Variants in RBM19 observed in about 807,000 individuals in gnomAD.
RBM19 encodes RNA binding motif protein 19.
A neutral mutation model predicts 116.8 loss-of-function variants in RBM19; 94 were observed. That is an observed-to-expected ratio of 0.80 (90% CI 0.68 to 0.95). The LOEUF (loss-of-function observed/expected upper bound fraction) is 0.95. Ranked by LOEUF, RBM19 falls within the 40% of genes least tolerant of loss-of-function variation. The pLI is 0.00. For missense variants in RBM19, 1,161 were observed against 1,220.7 expected (o/e 0.95, Z 0.73); for synonymous variants, 475 against 494.1 (o/e 0.96, Z 0.51).
chr12:113,881,204 G>A (rs1013669709), intron 21 of RBM19, among the ~76,000 whole-genome samples: 3 of 152,214 alleles, frequency 2.0e-5, no homozygotes, highest in Admixed American at 6.5e-5. Flanking sequence ...CTCGGTAGCT[G>A]CAGCTGCAGA....
chr12:113,888,288 A>C (rs774873656), intron 21 of RBM19, among the ~76,000 whole-genome samples: 3 of 152,222 alleles, frequency 2.0e-5, no homozygotes, highest in Non-Finnish European at 4.4e-5. Context: ...TGACATAACA[A>C]ATAACAGAAT....
chr12:113,827,504 C>T (rs1874973561), intron 23 of RBM19, among the ~76,000 whole-genome samples: 1 of 84,440 alleles, frequency 1.2e-5, no homozygotes, highest in Non-Finnish European at 2.1e-5. Flanking sequence ...AAGGCGCAGG[C>T]AGGGAGAAAG....
chr12:113,956,607 G>A (rs997455743), intron 6 of RBM19, among the ~76,000 whole-genome samples: 3 of 151,254 alleles, frequency 2.0e-5, no homozygotes, highest in African/African-American at 7.3e-5. Context: ...AAAATACAGG[G>A]CTAGGCAGGG....
intron 21 of RBM19, among the ~76,000 whole-genome samples, chr12:113,874,819 C>T (rs991837655): frequency 6.6e-6 from 1 of 152,208 alleles, no homozygotes; most frequent in Non-Finnish European, 1.5e-5. Context: ...GCTCCCCATC[C>T]TCTTGGCAAA....
At chr12:113,871,354 G>A (rs926977957) in intron 21 of RBM19, among the ~76,000 whole-genome samples, 3 of 152,218 alleles carry the variant, frequency 2.0e-5, no homozygotes, top group African/African-American at 7.2e-5. Context: ...CATCCCAGAG[G>A]AGTTGAAAAG....
intron 21 of RBM19, among the ~76,000 whole-genome samples, chr12:113,905,989 C>G (rs2125440): frequency 0.62 from 93,973 of 152,122 alleles, 30,084 homozygotes; most frequent in African/African-American, 0.78. Flanking sequence ...GAGGATGAGG[C>G]GCACCAGAAC....
At chr12:113,928,214 A>G (rs1350150822) in intron 16 of RBM19, among the ~76,000 whole-genome samples, 1 of 152,080 alleles carries the variant, frequency 6.6e-6, no homozygotes, top group Non-Finnish European at 1.5e-5. Flanking sequence ...GTGGGCACCT[A>G]TGATCCCAGC....
intron 21 of RBM19, among the ~76,000 whole-genome samples, chr12:113,892,614 A>C (rs1337950810): frequency 1.3e-5 from 2 of 152,214 alleles, no homozygotes; most frequent in Non-Finnish European, 2.9e-5. Flanking sequence ...GGCTTCGTTT[A>C]ATGCGATTAG....
At chr12:113,959,823 C>T (rs1407370657) in intron 4 of RBM19, 42 bp downstream of exon 4, 1 of 1,609,444 alleles carries the variant, frequency 6.2e-7, no homozygotes, top group Non-Finnish European at 8.5e-7. Flanking sequence ...CTTCCACCTG[C>T]TGCCCACCCT....
intron 23 of RBM19, among the ~76,000 whole-genome samples, chr12:113,843,197 C>T (rs1358688086): frequency 5.9e-5 from 9 of 152,162 alleles, no homozygotes; most frequent in African/African-American, 1.2e-4. Flanking sequence ...AGAGCTGCAC[C>T]GGTCAGGCGA....
At chr12:113,871,775 G>A (rs1390984149) in intron 21 of RBM19, among the ~76,000 whole-genome samples, 1 of 152,188 alleles carries the variant, frequency 6.6e-6, no homozygotes, top group Admixed American at 6.5e-5. Flanking sequence ...AGGATTCCTT[G>A]CACTGGTTAG....
At chr12:113,827,604 C>CG (rs1220826277) in intron 23 of RBM19, among the ~76,000 whole-genome samples, 1 of 151,866 alleles carries the variant, frequency 6.6e-6, no homozygotes, top group African/African-American at 2.4e-5. Flanking sequence ...AAAGGCAAGC[C>CG]GGGGGAGAAG....
chr12:113,923,635 G>C (rs1009978458), intron 18 of RBM19, among the ~76,000 whole-genome samples: 1 of 152,168 alleles, frequency 6.6e-6, no homozygotes, highest in Admixed American at 6.5e-5. Flanking sequence ...CTTCCTCAAC[G>C]AATTCCCCAG....
rs149853624 is a variant in RBM19 at position 113,850,113 on chromosome 12, T to A, written c.2665-5325A>T. Among the ~76,000 whole-genome samples, 420 of 152,340 alleles carry A rather than the reference T, an allele frequency of 2.8e-3. 1 individual carries two copies. Among genetic ancestry groups the A allele is most frequent in the Non-Finnish European group, 4.2e-3 (283 of 68,030 alleles). ...TGGGGGCTTCGCCATCCCTGGGGAATCCCTTAGCCCTACCTATGCCTCCAT... is the reference window on the plus strand; with the variant it reads ...TGGGGGCTTCGCCATCCCTGGGGAAACCCTTAGCCCTACCTATGCCTCCAT... On this transcript the variant is annotated intron_variant, in intron 22 of 23. Transcript: ENST00000261741.
chr12:113,879,431 TTATATA>T (rs5801011), intron 21 of RBM19, among the ~76,000 whole-genome samples: 2 of 132,662 alleles, frequency 1.5e-5, no homozygotes, highest in East Asian at 3.7e-4. Flanking sequence ...TACATACATT[TTATATA>T]TATATATATA....
At chr12:113,943,718 G>A (rs897549244) in intron 13 of RBM19, among the ~76,000 whole-genome samples, 3 of 152,098 alleles carry the variant, frequency 2.0e-5, no homozygotes, top group African/African-American at 7.2e-5. Context: ...AGCTACTTGG[G>A]AGGCTGAGGC....
chr12:113,956,010 G>A (rs915619377), intron 6 of RBM19, among the ~76,000 whole-genome samples: 9 of 152,140 alleles, frequency 5.9e-5, no homozygotes, highest in Admixed American at 3.3e-4. Flanking sequence ...AGGGAGCAGT[G>A]CTACCATGAG....
intron 23 of RBM19, among the ~76,000 whole-genome samples, chr12:113,840,952 C>T (rs890753213): frequency 2.6e-5 from 4 of 152,316 alleles, no homozygotes; most frequent in South Asian, 4.1e-4. Context: ...GGCTCCTGTG[C>T]GAATTCTGCT....
chr12:113,866,226 A>C (rs1207104428), intron 21 of RBM19, among the ~76,000 whole-genome samples: 1 of 151,982 alleles, frequency 6.6e-6, no homozygotes, highest in East Asian at 1.9e-4. Flanking sequence ...CAGGTGTAGA[A>C]AGGTTACCTT....
Sources: gnomAD v4.1 joint callset for allele counts (sites outside exome capture counted in the v4.1 genomes callset) on GRCh38, gnomAD v4.1.1 for gene constraint, MANE v1.5 for transcripts, NCBI Gene and HGNC (gene_info 2026-07-23, HGNC 2026-07-21) for gene names.